Variants in PPP6R2 observed in about 807,000 individuals in gnomAD.
The protein encoded by PPP6R2 is serine/threonine-protein phosphatase 6 regulatory subunit 2.
PPP6R2 carries 62 observed loss-of-function variants against 100.2 expected under a neutral mutation model. The ratio of observed to expected loss-of-function variants is 0.62; its 90% CI spans 0.50 to 0.76. PPP6R2 has a LOEUF of 0.76. Among genes scored for constraint, PPP6R2 ranks in the 30% least tolerant of loss-of-function variants. PPP6R2 has a pLI of 0.00. For missense variants in PPP6R2, 1,142 were observed against 1,276.3 expected (o/e 0.89, Z 1.60); for synonymous variants, 525 against 514.7 (o/e 1.02, Z -0.27).
At chr22:50,346,466 A>C (rs1430556591) in intron 1 of PPP6R2, among the ~76,000 whole-genome samples, 12 of 43,158 alleles carry the variant, frequency 2.8e-4, no homozygotes, top group South Asian at 1.1e-3. Context: ...GTTTCCTCCC[A>C]AGTCAGGGCC....
rs776996488 is a variant in PPP6R2 at position 50,444,094 on chromosome 22, C to G, written c.2808C>G (p.Thr936=). The G allele has an allele frequency of 1.2e-6, 2 of 1,612,590 alleles. No individual in the cohort carries two copies. The highest frequency in any genetic ancestry group is 2.2e-5 in the East Asian group (1 of 44,834). Residue 936 remains threonine (T), a synonymous_variant, in exon 23 of 24, where the codon ACC becomes ACG. Transcript: ENST00000612753. Reference sequence around the variant, plus strand: ...CAGCAGCCCCAGCCATGGTGGCCACCCTGGGGACAGTGACAAAGGACGGGT... The same window carrying G: ...CAGCAGCCCCAGCCATGGTGGCCACGCTGGGGACAGTGACAAAGGACGGGT... ...AVTAAPAMVA[T]LGTVTKDGKT...
At chr22:50,438,323 A>G in intron 18 of PPP6R2, 25 bp downstream of exon 18, 1 of 1,601,848 alleles carries the variant, frequency 6.2e-7, no homozygotes, top group Non-Finnish European at 8.5e-7. Flanking sequence ...CATCCCCACA[A>G]AGCCTCTGCC....
intron 1 of PPP6R2, among the ~76,000 whole-genome samples, chr22:50,368,981 G>C (rs553274241): frequency 6.6e-6 from 1 of 152,354 alleles, no homozygotes; most frequent in South Asian, 2.1e-4. Flanking sequence ...GCTCACGCCT[G>C]TAATCCCAGC....
chr22:50,335,678 A>ATTTTTTTTTTTTTTTTTTTTT, the PPP6R2 span, among the ~76,000 whole-genome samples: 1 of 128,944 alleles, frequency 7.8e-6, no homozygotes, highest in Non-Finnish European at 1.6e-5. Flanking sequence ...CACCCAACTA[A>ATTTTTTTTTTTTTTTTTTTTT]TTTTTTTTTT....
chr22:50,406,913 G>A (rs776394521), intron 4 of PPP6R2, 38 bp downstream of exon 4: 18 of 1,576,850 alleles, frequency 1.1e-5, no homozygotes, highest in South Asian at 1.0e-4. Context: ...TTGGGGCACC[G>A]TCATGGTGGA....
At chr22:50,373,747 TTTGTGAGACAGAGTC>T (rs1602563479) in intron 2 of PPP6R2, among the ~76,000 whole-genome samples, 1 of 151,966 alleles carries the variant, frequency 6.6e-6, no homozygotes, top group East Asian at 1.9e-4. Flanking sequence ...TGTGTTTTTT[TTTGTGAGACAGAGTC>T]TTGCTCTGTT....
rs139622424 is a variant in PPP6R2 at position 50,400,377 on chromosome 22, T to C, written c.227+6242T>C. The stretch of plus-strand genomic sequence containing the variant: ...CTGAGATGGAGTTCGTGGGTGGTGA[T>C]GTTTAGGGCATCGGGCCTGCGTGTT... On this transcript the variant is annotated intron_variant, in intron 3 of 23. Coordinates refer to ENST00000612753, the MANE Select transcript of PPP6R2 (RefSeq NM_001242898.2). Among the ~76,000 whole-genome samples the C allele has an allele frequency of 2.0e-5, 3 of 152,266 alleles. 1 individual carries two copies. The highest frequency in any genetic ancestry group is 3.9e-4 in the East Asian group (2 of 5,184).
At position 50,432,256 on chromosome 22, in the gene PPP6R2, G is replaced by C; in HGVS notation, c.1336-9G>C. The stretch of plus-strand genomic sequence containing the variant: ...CTGACTCACGCTGTCCCCCTGCCCC[G>C]CCCCCCAGCTGTTCCAGAAGTGCTG... On this transcript the variant is annotated splice_polypyrimidine_tract_variant and intron_variant, in intron 11 of 23. Coordinates refer to ENST00000612753, the MANE Select transcript of PPP6R2 (RefSeq NM_001242898.2). The C allele has an allele frequency of 6.5e-7, 1 of 1,549,350 alleles. No homozygotes were observed. Among genetic ancestry groups the C allele is most frequent in the South Asian group, 1.2e-5 (1 of 84,006 alleles).
intron 3 of PPP6R2, among the ~76,000 whole-genome samples, chr22:50,397,345 G>T (rs1031433752): frequency 6.6e-6 from 1 of 152,232 alleles, no homozygotes. Context: ...TGACTCGGAG[G>T]GAGGGAAAGG....
chr22:50,388,149 G>A (rs2054628634), intron 2 of PPP6R2, among the ~76,000 whole-genome samples: 1 of 151,216 alleles, frequency 6.6e-6, no homozygotes, highest in East Asian at 2.0e-4. Context: ...ATGGCAAGAT[G>A]TGGTCTCTAT....
At chr22:50,348,769 T>C (rs2044319105) in intron 1 of PPP6R2, among the ~76,000 whole-genome samples, 1 of 152,100 alleles carries the variant, frequency 6.6e-6, no homozygotes, top group Non-Finnish European at 1.5e-5. Flanking sequence ...GGATGGCTAT[T>C]TATTTAAAAG....
chr22:50,399,436 C>T (rs116543562), intron 3 of PPP6R2, among the ~76,000 whole-genome samples: 2,886 of 152,338 alleles, frequency 0.019, 94 homozygotes, highest in African/African-American at 0.065. Flanking sequence ...CTGTGCTTCG[C>T]GACTCTGCTA....
intron 4 of PPP6R2, among the ~76,000 whole-genome samples, chr22:50,408,621 T>A (rs190085532): frequency 2.2e-4 from 33 of 152,262 alleles, no homozygotes; most frequent in African/African-American, 7.7e-4. Context: ...TGGTAGTAGA[T>A]GTTGTAAAAA....
rs2042656391 is a variant in PPP6R2 at position 50,343,509 on chromosome 22, G to C, written c.-189G>C. 6.6e-6 allele frequency: 1 copy of C among 151,838 alleles called. No homozygotes were observed. Among genetic ancestry groups the C allele is most frequent in the East Asian group, 1.9e-4 (1 of 5,168 alleles). 9.4% of individuals were successfully genotyped at this position (151,838 alleles called of 1,614,324 possible). A position where few individuals can be genotyped will look rare whatever the true frequency, so the allele number is the denominator to read the frequency against. ...CTGGCCTCCGCTCGGGCCTCCACAC[G>C]GGCCTCCGAAGAGCTGCCGCGACGC... is the stretch of plus-strand genomic sequence containing the variant. On this transcript the variant is annotated 5_prime_UTR_variant, in exon 1 of 24. Transcript: ENST00000612753.
At position 50,393,968 on chromosome 22, in the gene PPP6R2, G is replaced by A; in HGVS notation, c.60G>A (p.Glu20=). The stretch of plus-strand genomic sequence containing the variant: ...ATGTTGACAAGCTGCTGGACAAGGA[G>A]CATGTGACGCTGCAGGAGTTAATGG... ...TSHVDKLLDK[E]HVTLQELMDE... Residue 20 remains glutamate, a synonymous_variant, in exon 3 of 24, where the codon GAG becomes GAA. Coordinates refer to ENST00000612753, the MANE Select transcript of PPP6R2 (RefSeq NM_001242898.2). 1 of 1,614,218 alleles carries A rather than the reference G, an allele frequency of 6.2e-7. No homozygotes were observed.
chr22:50,411,905 C>T (rs962688337), intron 4 of PPP6R2, among the ~76,000 whole-genome samples: 29 of 151,624 alleles, frequency 1.9e-4, no homozygotes, highest in Admixed American at 1.4e-3. Flanking sequence ...ATTGGCTGGA[C>T]GTAGTGATGG....
At chr22:50,428,338 A>G (rs1214524579) in intron 10 of PPP6R2, among the ~76,000 whole-genome samples, 4 of 152,142 alleles carry the variant, frequency 2.6e-5, no homozygotes, top group Admixed American at 1.3e-4. Flanking sequence ...TTGTGTGTCA[A>G]TTTTGTATTC....
chr22:50,411,610 TG>T (rs1384428234), intron 4 of PPP6R2, among the ~76,000 whole-genome samples: 1 of 151,464 alleles, frequency 6.6e-6, no homozygotes, highest in Non-Finnish European at 1.5e-5. Flanking sequence ...AAAAATTAGC[TG>T]GGCGTGGTGG....
intron 4 of PPP6R2, 94 bp from the exon 5 acceptor site, chr22:50,414,458 T>A (rs556307290): frequency 7.2e-7 from 1 of 1,384,044 alleles, no homozygotes; most frequent in African/African-American, 1.4e-5. Context: ...TTAATATAAT[T>A]ACTAGTTCAA....
Sources: allele counts gnomAD v4.1 joint callset (sites outside exome capture counted in the v4.1 genomes callset), GRCh38; gene constraint gnomAD v4.1.1; transcripts MANE v1.5; gene names NCBI Gene and HGNC (gene_info 2026-07-23, HGNC 2026-07-21).